Variants in CUX1 observed in about 807,000 individuals in gnomAD.
CUX1 encodes protein CASP.
Under a neutral mutation model 158.8 loss-of-function variants are expected in CUX1, and 31 were observed. The observed-to-expected ratio is 0.20, with a 90% CI of 0.15 to 0.26. CUX1 has a LOEUF of 0.26. CUX1 is among the 10% of genes least tolerant of loss of function. The pLI, the probability that CUX1 is intolerant of heterozygous loss-of-function variation, is 1.00. For synonymous variants in CUX1, 879 were observed against 862.1 expected, an observed-to-expected ratio of 1.02 and a Z score of -0.34; for missense variants, 1,589 against 2,014.6, an observed-to-expected ratio of 0.79 and a Z score of 4.04.
chr7:102,044,579 T>C (rs375417), intron 3 of CUX1, among the ~76,000 whole-genome samples: 117,542 of 152,060 alleles, frequency 0.77, 45,720 homozygotes, highest in East Asian at 1. Context: ...AGATTGTACA[T>C]GCTTTGAGGG....
intron 8 of CUX1, among the ~76,000 whole-genome samples, chr7:102,156,916 C>G (rs553352456): frequency 1.3e-5 from 2 of 152,226 alleles, no homozygotes; most frequent in Non-Finnish European, 2.9e-5. Context: ...AGTGAAAACT[C>G]AAACCTGGAA....
intron 8 of CUX1, among the ~76,000 whole-genome samples, chr7:102,139,560 C>G (rs1834232667): frequency 6.6e-6 from 1 of 152,198 alleles, no homozygotes; most frequent in South Asian, 2.1e-4. Flanking sequence ...TTTGAGAGGC[C>G]AAGCCGGGGG....
At chr7:102,262,621 A>G (rs1231857045), downstream of CUX1, among the ~76,000 whole-genome samples, 4 of 152,198 alleles carry the variant, frequency 2.6e-5, no homozygotes, top group Non-Finnish European at 5.9e-5. Context: ...TGGGGTCTTT[A>G]GTCTCCTCTA....
chr7:101,837,113 A>G (rs1315039798), intron 1 of CUX1, among the ~76,000 whole-genome samples: 1 of 152,224 alleles, frequency 6.6e-6, no homozygotes, highest in Non-Finnish European at 1.5e-5. Context: ...TTGGCTTGGC[A>G]TGGACTTACA....
intron 1 of CUX1, among the ~76,000 whole-genome samples, chr7:101,847,160 TAAAC>T (rs1365860438): frequency 6.6e-6 from 1 of 151,984 alleles, no homozygotes; most frequent in Non-Finnish European, 1.5e-5. Context: ...AATGACAAAA[TAAAC>T]AGTCAACCAC....
At chr7:102,282,810 C>T (rs1563536928) in intron 22 of CUX1, 6 of 1,574,282 alleles carry the variant, frequency 3.8e-6, no homozygotes, top group South Asian at 1.1e-5. Flanking sequence ...CCCTCAGCCC[C>T]ACAGCGAGCT....
chr7:102,021,568 A>G (rs1054596925), intron 2 of CUX1, among the ~76,000 whole-genome samples: 1 of 151,084 alleles, frequency 6.6e-6, no homozygotes. Context: ...TTGGCCTCCC[A>G]AAGTGCTGGG....
chr7:102,149,540 G>A (rs1419344951), intron 8 of CUX1, among the ~76,000 whole-genome samples: 12 of 152,264 alleles, frequency 7.9e-5, no homozygotes, highest in African/African-American at 2.6e-4. Context: ...GTTTCCCTTG[G>A]GTGTGGTTCA....
chr7:101,955,670 G>A (rs1370787015), intron 2 of CUX1, among the ~76,000 whole-genome samples: 1 of 152,168 alleles, frequency 6.6e-6, no homozygotes, highest in Non-Finnish European at 1.5e-5. Context: ...CTGTGTCACT[G>A]GGCCCAAGGA....
rs531476573 is a variant in CUX1 at position 102,184,569 on chromosome 7, C to A, written c.1018-5244C>A. On this transcript the variant is annotated intron_variant, in intron 11 of 23. Transcript: ENST00000292535. ...GTCAGCTAGGGTAGGACCAGGTTGGCAGCCAGGTCTCTGACACTTGGCCTT... is the reference window on the plus strand; with the variant it reads ...GTCAGCTAGGGTAGGACCAGGTTGGAAGCCAGGTCTCTGACACTTGGCCTT... Among the ~76,000 whole-genome samples the A allele has an allele frequency of 1.3e-4, 20 of 152,352 alleles. No homozygotes were observed. The South Asian group carries it at 3.5e-3, about 27-fold the overall frequency.
Position 102,249,777 on chromosome 7 carries a change from C to T in CUX1, c.*735C>T. 1 of 985,778 alleles carries T rather than the reference C, an allele frequency of 1.0e-6. No individual in the cohort carries two copies. The highest frequency in any genetic ancestry group is 4.7e-5 in the South Asian group (1 of 21,286). 61.1% of individuals were successfully genotyped at this position (985,778 alleles called of 1,614,324 possible). ...CACAGTCAAAACGACTCTAAACACA[C>T]TAGTTTGGATTCCTAAATATTTTCA... On this transcript the variant is annotated 3_prime_UTR_variant, in exon 24 of 24. Coordinates refer to ENST00000292535, the MANE Select transcript of CUX1 (RefSeq NM_181552.4).
At chr7:101,959,238 AGTGTGTGTGTGTGTGTGTGTGT>A (rs55733311) in intron 2 of CUX1, among the ~76,000 whole-genome samples, 1 of 145,706 alleles carries the variant, frequency 6.9e-6, no homozygotes, top group Non-Finnish European at 1.5e-5. Flanking sequence ...ATGTGTGTGC[AGTGTGTGTGTGTGTGTGTGTGT>A]GTGTGTGTGT....
At chr7:102,106,719 G>A (rs1830398884) in intron 6 of CUX1, among the ~76,000 whole-genome samples, 1 of 152,064 alleles carries the variant, frequency 6.6e-6, no homozygotes, top group South Asian at 2.1e-4. Context: ...GGCAGCACAC[G>A]GCCTATGGGG....
In CUX1 at chr7:102,178,772, G is replaced by GA. The variant is rs146692085; in HGVS notation, c.1017+117dup. The GA allele has an allele frequency of 1.9e-3, 2,135 of 1,153,774 alleles. 33 individuals are homozygous for GA. The African/African-American group carries it at 0.028, about 15-fold the overall frequency. The allele number at this position is 1,153,774 out of a possible 1,614,324, so 71.5% of individuals were successfully genotyped here. A position where few individuals can be genotyped will look rare whatever the true frequency, so the allele number is the denominator to read the frequency against. The stretch of plus-strand genomic sequence containing the variant: ...ACTTGATAGCAAGTGTGGCAACCTT[G>GA]AACCTCTGTAAAGTAGCACCAAGCA... On this transcript the variant is annotated intron_variant, in intron 11 of 23. Coordinates refer to ENST00000292535, the MANE Select transcript of CUX1 (RefSeq NM_181552.4).
At chr7:102,135,116 G>A (rs1274855185) in intron 8 of CUX1, among the ~76,000 whole-genome samples, 1 of 152,014 alleles carries the variant, frequency 6.6e-6, no homozygotes, top group Non-Finnish European at 1.5e-5. Flanking sequence ...GGGGTTAGAG[G>A]CACTGACCCC....
intron 1 of CUX1, among the ~76,000 whole-genome samples, chr7:101,836,355 G>A (rs976628296): frequency 6.6e-6 from 1 of 152,110 alleles, no homozygotes; most frequent in East Asian, 1.9e-4. Flanking sequence ...CAGGTGGATC[G>A]CTTGAGCCCA....
intron 1 of CUX1, among the ~76,000 whole-genome samples, chr7:101,866,819 C>T (rs1159543944): frequency 1.3e-5 from 2 of 152,162 alleles, no homozygotes; most frequent in Non-Finnish European, 2.9e-5. Context: ...TTCTACTTTG[C>T]CCTCTAAGCA....
Position 102,201,857 on chromosome 7 carries a change from A to C in CUX1, c.2560A>C (p.Ser854Arg). The C allele has an allele frequency of 6.2e-7, 1 of 1,613,354 alleles. No homozygotes were observed. The highest frequency in any genetic ancestry group is 8.5e-7 in the Non-Finnish European group (1 of 1,179,868). The change falls in exon 18 of 24, where the codon AGC becomes CGC. Residue 854 changes from serine (S) to arginine (R), a missense_variant. Physicochemically the swap from Ser to Arg is moderately radical, Grantham distance 110. This residue lies in a region of CUX1 where 337 missense variants were observed against 409.3 expected (regional missense o/e 0.82). Coordinates refer to ENST00000292535, the MANE Select transcript of CUX1 (RefSeq NM_181552.4). The surrounding 1 kb of genome is among the most constrained non-coding windows in gnomAD (Gnocchi z 5.0). ...AACGGGCGGCGGGAAAGAGAAGGGC[A>C]GCGGTGGCAGCGGAGGTGGCAGCCA... ...EETGGGKEKGSGGSGGGSQPR... is the reference protein window; with the variant it reads ...EETGGGKEKGRGGSGGGSQPR...
intron 2 of CUX1, among the ~76,000 whole-genome samples, chr7:102,018,137 T>A (rs770351373): frequency 4.0e-5 from 6 of 151,886 alleles, no homozygotes; most frequent in Non-Finnish European, 8.8e-5. Flanking sequence ...TTTTAGAAAC[T>A]TTTTGTAGAG....
Sources: allele counts gnomAD v4.1 joint callset (sites outside exome capture counted in the v4.1 genomes callset), GRCh38; gene constraint gnomAD v4.1.1; regional missense constraint gnomAD v4.1.1; non-coding constraint Gnocchi (gnomAD v3.1); transcripts MANE v1.5; gene names NCBI Gene and HGNC (gene_info 2026-07-23, HGNC 2026-07-21).